The following SCFD2 variants were observed in gnomAD, a reference collection of about 807,000 sequenced individuals.
The protein encoded by SCFD2 is sec1 family domain-containing protein 2.
In SCFD2, 54 loss-of-function variants were observed where a neutral mutation model predicts 58.9. That is an observed-to-expected ratio of 0.92 (90% CI 0.74 to 1.15). SCFD2 has a LOEUF of 1.15. SCFD2 is among the 50% of genes most tolerant of loss of function. The probability of loss-of-function intolerance (pLI) is 0.00; values close to 1 mark genes in which losing one functional copy is unlikely to be tolerated. For synonymous variants in SCFD2, 321 were observed against 335.9 expected, an observed-to-expected ratio of 0.96 and a Z score of 0.49; for missense variants, 805 against 836.6, an observed-to-expected ratio of 0.96 and a Z score of 0.47.
At chr4:53,143,855 T>G (rs1726240252) in intron 5 of SCFD2, among the ~76,000 whole-genome samples, 1 of 151,586 alleles carries the variant, frequency 6.6e-6, no homozygotes, top group Non-Finnish European at 1.5e-5. Context: ...TGTGGTACAT[T>G]TTTAAAGTAC....
intron 5 of SCFD2, among the ~76,000 whole-genome samples, chr4:52,992,450 C>T (rs1356182362): frequency 2.0e-5 from 3 of 152,258 alleles, no homozygotes; most frequent in Admixed American, 1.3e-4. Flanking sequence ...GGCCGCCACC[C>T]CGTCTGGGAA....
At chr4:53,195,879 C>T (rs183359535) in intron 4 of SCFD2, among the ~76,000 whole-genome samples, 4 of 152,092 alleles carry the variant, frequency 2.6e-5, no homozygotes, top group Non-Finnish European at 5.9e-5. Flanking sequence ...AAATCTAGCT[C>T]AAGACTTAAC....
intron 2 of SCFD2, among the ~76,000 whole-genome samples, chr4:53,336,019 G>A (rs956609685): frequency 1.6e-4 from 25 of 152,180 alleles, no homozygotes; most frequent in African/African-American, 4.3e-4. Context: ...TTTAAAGCAC[G>A]GGGATCCCTG....
In SCFD2 at chr4:53,255,836, G is replaced by A. The variant is rs1297839300; in HGVS notation, c.1311+17990C>T. Among the ~76,000 whole-genome samples the A allele has an allele frequency of 6.6e-4, 98 of 147,734 alleles. 2 individuals carry two copies. The highest frequency in any genetic ancestry group is 2.3e-3 in the African/African-American group (92 of 40,180). ...TCCCGGACCGGGCAGCTGGCCGGGC[G>A]GGGGGCTGACCCCCCCACCTCCATC... is the stretch of plus-strand genomic sequence containing the variant. On this transcript the variant is annotated intron_variant, in intron 4 of 8. Coordinates refer to ENST00000401642, the MANE Select transcript of SCFD2 (RefSeq NM_152540.4).
chr4:52,924,668 A>C (rs771083941), intron 5 of SCFD2, among the ~76,000 whole-genome samples: 3 of 152,142 alleles, frequency 2.0e-5, no homozygotes, highest in Non-Finnish European at 4.4e-5. Flanking sequence ...AATCACATCA[A>C]TCCTCACCAA....
At chr4:52,958,558 G>A (rs898394803) in intron 5 of SCFD2, among the ~76,000 whole-genome samples, 7 of 151,936 alleles carry the variant, frequency 4.6e-5, no homozygotes, top group African/African-American at 1.7e-4. Context: ...GACGTTCATC[G>A]GCTTACCGTC....
intron 5 of SCFD2, among the ~76,000 whole-genome samples, chr4:53,090,991 C>T (rs1724452726): frequency 6.6e-6 from 1 of 152,146 alleles, no homozygotes; most frequent in African/African-American, 2.4e-5. Flanking sequence ...TGCACAACTC[C>T]CCTCACAGAT....
At chr4:53,341,806 C>T (rs1387857254) in intron 2 of SCFD2, among the ~76,000 whole-genome samples, 1 of 152,218 alleles carries the variant, frequency 6.6e-6, no homozygotes, top group Non-Finnish European at 1.5e-5. Context: ...CAATATTCAA[C>T]ATGCTTAAAG....
At position 53,352,675 on chromosome 4, in the gene SCFD2, G is replaced by C; in HGVS notation, c.930C>G (p.Asn310Lys). ...TATGGAGTGCAGTGAGCGCTATCAT[G>C]TTAACCATCACATCATTTGTGTGGC... is the stretch of plus-strand genomic sequence containing the variant. ...LPGHTNDVMV[N>K]MIALTALHTE... Residue 310 changes from asparagine to lysine, a missense_variant, in exon 2 of 9, where the codon AAC becomes AAG. Transcript: ENST00000401642. 1 of 1,613,972 alleles carries C rather than the reference G, an allele frequency of 6.2e-7. No individual in the cohort carries two copies. Among genetic ancestry groups the C allele is most frequent in the Non-Finnish European group, 8.5e-7 (1 of 1,179,848 alleles).
rs764577308 is a variant in SCFD2, at chr4:52,925,259, G to GTA, written c.1562-4391_1562-4390dup. Among the ~76,000 whole-genome samples the GTA allele has an allele frequency of 1.6e-3, 230 of 147,452 alleles. 2 individuals are homozygous for GTA. The highest frequency in any genetic ancestry group is 4.5e-3 in the East Asian group (23 of 5,074). On this transcript the variant is annotated intron_variant, in intron 5 of 8. Coordinates refer to ENST00000401642, the MANE Select transcript of SCFD2 (RefSeq NM_152540.4). ...TTTCATATCTGCTAAGGCCACATGT[G>GTA]TATATATATATATATGTATGCTATA...
intron 5 of SCFD2, among the ~76,000 whole-genome samples, chr4:53,014,060 C>T (rs756966272): frequency 5.9e-5 from 9 of 152,062 alleles, no homozygotes; most frequent in South Asian, 2.1e-4. Flanking sequence ...TGTTGGGTCC[C>T]GGAGAAAAAC....
chr4:53,192,996 A>G (rs1293548009), intron 4 of SCFD2, among the ~76,000 whole-genome samples: 1 of 152,202 alleles, frequency 6.6e-6, no homozygotes, highest in African/African-American at 2.4e-5. Context: ...ATATAAAAAT[A>G]TACAAATTAA....
chr4:53,183,647 TATA>T (rs1727652901), intron 4 of SCFD2, among the ~76,000 whole-genome samples: 1 of 145,386 alleles, frequency 6.9e-6, no homozygotes, highest in African/African-American at 2.5e-5. Context: ...AAACTTAAAG[TATA>T]ATAATAATAA....
At chr4:53,020,932 A>G (rs1722334436) in intron 5 of SCFD2, among the ~76,000 whole-genome samples, 1 of 152,094 alleles carries the variant, frequency 6.6e-6, no homozygotes. Flanking sequence ...GTTCAAGTGA[A>G]ATTTTTGCCC....
chr4:53,081,564 A>G (rs554756181), intron 5 of SCFD2, among the ~76,000 whole-genome samples: 105 of 152,294 alleles, frequency 6.9e-4, no homozygotes, highest in South Asian at 6.8e-3. Context: ...ATAATAACTT[A>G]GGGGGGAAAT....
At chr4:53,255,910 G>A (rs1351043812) in intron 4 of SCFD2, among the ~76,000 whole-genome samples, 4 of 140,758 alleles carry the variant, frequency 2.8e-5, no homozygotes, top group African/African-American at 7.4e-5. Context: ...TTCCCAGTAG[G>A]GGCGGCCGGG....
chr4:53,018,622 T>G (rs1722269474), intron 5 of SCFD2, among the ~76,000 whole-genome samples: 1 of 152,158 alleles, frequency 6.6e-6, no homozygotes, highest in South Asian at 2.1e-4. Context: ...TGAAGTGCAA[T>G]TTTCACGCTT....
At chr4:53,261,626 T>G (rs1296493343) in intron 4 of SCFD2, among the ~76,000 whole-genome samples, 3 of 152,162 alleles carry the variant, frequency 2.0e-5, no homozygotes, top group Non-Finnish European at 4.4e-5. Context: ...TACTGAGACT[T>G]GTTTTGTGGC....
At chr4:53,305,298 T>C (rs1282887022) in intron 3 of SCFD2, among the ~76,000 whole-genome samples, 1 of 152,178 alleles carries the variant, frequency 6.6e-6, no homozygotes, top group Non-Finnish European at 1.5e-5. Context: ...TTAGGTCTTT[T>C]ATCCATTTTG....
Sources: gnomAD v4.1 joint callset for allele counts (sites outside exome capture counted in the v4.1 genomes callset) on GRCh38, gnomAD v4.1.1 for gene constraint, MANE v1.5 for transcripts, NCBI Gene and HGNC (gene_info 2026-07-23, HGNC 2026-07-21) for gene names.